The following TRMT9B variants were observed in gnomAD, a reference collection of about 807,000 sequenced individuals.
TRMT9B encodes tRNA methyltransferase 9B (putative).
Under a neutral mutation model 11.5 loss-of-function variants are expected in TRMT9B, and 16 were observed. The observed-to-expected ratio is 1.39, with a 90% CI of 0.94 to 2.11. The LOEUF is 2.11. Ranked by LOEUF, TRMT9B falls within the 30% of genes most tolerant of loss-of-function variation. The pLI is 0.00. For missense variants in TRMT9B, 941 were observed against 553.8 expected, an observed-to-expected ratio of 1.70 and a Z score of -7.02; for synonymous variants, 274 against 192.4, an observed-to-expected ratio of 1.42 and a Z score of -3.51.
At position 13,027,865 on chromosome 8, in the gene TRMT9B, T is replaced by G. The variant is rs573956290; in HGVS notation, c.*5821T>G. The G allele has an allele frequency of 6.0e-6, 1 of 167,234 alleles. No homozygotes were observed. Among genetic ancestry groups the G allele is most frequent in the East Asian group, 1.9e-4 (1 of 5,188 alleles). The allele number at this position is 167,234 out of a possible 1,614,324, so 10.4% of individuals were successfully genotyped here. On this transcript the variant is annotated 3_prime_UTR_variant, in exon 5 of 5. Coordinates refer to ENST00000524591, the MANE Select transcript of TRMT9B (RefSeq NM_020844.3). ...ATGCTTAACTCCTCTTGTTCCAATC[T>G]TAACTCAAAATTATGATTATTTTGA...
intron 2 of TRMT9B, among the ~76,000 whole-genome samples, chr8:12,995,034 C>T (rs936984321): frequency 6.6e-6 from 1 of 152,226 alleles, no homozygotes; most frequent in South Asian, 2.1e-4. Flanking sequence ...TTCCAAGGCG[C>T]AGCTCCCGAC....
intron 1 of TRMT9B, among the ~76,000 whole-genome samples, chr8:12,982,389 C>T (rs907040929): frequency 3.3e-5 from 5 of 152,184 alleles, no homozygotes; most frequent in African/African-American, 4.8e-5. Context: ...GGGTCAGACA[C>T]GGTGGCTTAT....
chr8:12,974,006 A>G (rs570280554), intron 1 of TRMT9B, among the ~76,000 whole-genome samples: 1 of 146,392 alleles, frequency 6.8e-6, no homozygotes, highest in African/African-American at 2.5e-5. Flanking sequence ...AAAATATATT[A>G]AAATTTTTTT....
intron 2 of TRMT9B, among the ~76,000 whole-genome samples, chr8:12,996,427 C>T (rs1202365791): frequency 6.6e-6 from 1 of 152,322 alleles, no homozygotes; most frequent in East Asian, 1.9e-4. Context: ...TTACTTATTT[C>T]TTCAGTTAGA....
chr8:13,001,035 C>G (rs889446488), intron 2 of TRMT9B, among the ~76,000 whole-genome samples: 1 of 152,164 alleles, frequency 6.6e-6, no homozygotes, highest in African/African-American at 2.4e-5. Context: ...CTAGACTTCC[C>G]CAATCTTTCT....
intron 1 of TRMT9B, among the ~76,000 whole-genome samples, chr8:12,968,535 A>G (rs2128867069): frequency 6.6e-6 from 1 of 152,348 alleles, no homozygotes; most frequent in Middle Eastern, 3.4e-3. Context: ...GGTGGTCTGC[A>G]TTTTAATGGA....
In TRMT9B at chr8:12,997,271, T is replaced by A. The variant is rs368928650; in HGVS notation, c.-2+6240T>A. On this transcript the variant is annotated intron_variant, in intron 2 of 4. Coordinates refer to ENST00000524591, the MANE Select transcript of TRMT9B (RefSeq NM_020844.3). ...CTCCTTATGGTAATGGGTGACTTCT[T>A]GCTCTATCAGTTCACATGAGAGCTG... Among the ~76,000 whole-genome samples the A allele has an allele frequency of 1.3e-4, 19 of 146,722 alleles. No homozygotes were observed. The East Asian group carries it at 2.4e-3, about 18-fold the overall frequency.
rs190951470 is a variant in TRMT9B, at chr8:12,969,948, T to C, written c.-199-20886T>C. The C allele has an allele frequency of 8.0e-5, 12 of 150,146 alleles. 1 individual carries two copies. The highest frequency in any genetic ancestry group is 2.9e-4 in the African/African-American group (12 of 40,920). The allele number at this position is 150,146 out of a possible 1,614,324, so 9.3% of individuals were successfully genotyped here. Reference sequence around the variant, plus strand: ...ATCCTCCCACCTCAGCTTCCCAAAATGCTGGAATTACAGGCATGATTCTGA... The same window carrying C: ...ATCCTCCCACCTCAGCTTCCCAAAACGCTGGAATTACAGGCATGATTCTGA... On this transcript the variant is annotated intron_variant, in intron 1 of 4. Transcript: ENST00000524591.
intron 1 of TRMT9B, among the ~76,000 whole-genome samples, chr8:12,950,564 T>TCTTTCTTTCTTTC (rs1554505540): frequency 1.3e-4 from 19 of 151,944 alleles, no homozygotes; most frequent in African/African-American, 4.6e-4. Context: ...TTTCTTTCTT[T>TCTTTCTTTCTTTC]TTGAATGTGA....
intron 1 of TRMT9B, among the ~76,000 whole-genome samples, chr8:12,975,546 G>A (rs1563341739): frequency 6.6e-6 from 1 of 152,070 alleles, no homozygotes; most frequent in South Asian, 2.1e-4. Flanking sequence ...AGACCAGCCT[G>A]GCCAACATGG....
chr8:13,029,136 C>T lies in TRMT9B; in HGVS notation c.*7092C>T, dbSNP rs1345778117. 1 of 166,944 alleles carries T rather than the reference C, an allele frequency of 6.0e-6. No homozygotes were observed. The highest frequency in any genetic ancestry group is 2.4e-5 in the African/African-American group (1 of 41,418). The allele number at this position is 166,944 out of a possible 1,614,324, so 10.3% of individuals were successfully genotyped here. The stretch of plus-strand genomic sequence containing the variant: ...TAGTTCTTTTGTGCACGCGTGAATA[C>T]ATCAAATTAGCAATTACCATAGAAA... On this transcript the variant is annotated 3_prime_UTR_variant, in exon 5 of 5. Coordinates refer to ENST00000524591, the MANE Select transcript of TRMT9B (RefSeq NM_020844.3).
chr8:12,981,232 A>G (rs1295679248), intron 1 of TRMT9B, among the ~76,000 whole-genome samples: 2 of 152,200 alleles, frequency 1.3e-5, no homozygotes, highest in Non-Finnish European at 2.9e-5. Flanking sequence ...GTTTCTCTCC[A>G]TGATAGAAAC....
In TRMT9B at chr8:13,021,401, G is replaced by T. The variant is rs778983907; in HGVS notation, c.722G>T (p.Ser241Ile). The T allele has an allele frequency of 1.2e-6, 2 of 1,614,032 alleles. No homozygotes were observed. The highest frequency in any genetic ancestry group is 1.1e-5 in the South Asian group (1 of 91,080). The part of the protein sequence containing the change: ...KEGEEEYGFY[S>I]TLGKSFRSWF... ...GGCGAGGAAGAATATGGATTTTACA[G>T]CACATTAGGAAAATCGTTTCGTTCC... The change falls in exon 5 of 5, where the codon AGC becomes ATC. Residue 241 changes from serine to isoleucine, a missense_variant. Transcript: ENST00000524591.
intron 2 of TRMT9B, among the ~76,000 whole-genome samples, chr8:12,999,032 G>C (rs1027426171): frequency 6.6e-6 from 1 of 152,128 alleles, no homozygotes; most frequent in Non-Finnish European, 1.5e-5. Context: ...TGGGCGCAGT[G>C]GCTCACGCCT....
intron 1 of TRMT9B, among the ~76,000 whole-genome samples, chr8:12,949,334 C>T (rs951805151): frequency 3.9e-5 from 6 of 152,094 alleles, no homozygotes; most frequent in South Asian, 2.1e-4. Flanking sequence ...GTACACCCAG[C>T]ATCAGCAACT....
At chr8:13,018,567 C>T (rs866002935) in intron 4 of TRMT9B, among the ~76,000 whole-genome samples, 2 of 152,020 alleles carry the variant, frequency 1.3e-5, no homozygotes, top group South Asian at 2.1e-4. Context: ...TCATTATCTA[C>T]AGTAGTCATG....
intron 2 of TRMT9B, among the ~76,000 whole-genome samples, chr8:12,992,733 C>T (rs1297696161): frequency 6.6e-6 from 1 of 151,708 alleles, no homozygotes; most frequent in Admixed American, 6.6e-5. Flanking sequence ...TGACGGCATG[C>T]ACCTGTGGTC....
chr8:12,967,898 T>A (rs1222749700), intron 1 of TRMT9B, among the ~76,000 whole-genome samples: 4 of 152,370 alleles, frequency 2.6e-5, no homozygotes, highest in African/African-American at 9.6e-5. Context: ...CTAATTTGTT[T>A]ACTTATTTAC....
At chr8:12,962,986 G>C (rs1802332018) in intron 1 of TRMT9B, among the ~76,000 whole-genome samples, 1 of 152,174 alleles carries the variant, frequency 6.6e-6, no homozygotes, top group Non-Finnish European at 1.5e-5. Context: ...CACATGATTT[G>C]GGGGTTTGAT....
Sources: gnomAD v4.1 joint callset for allele counts (sites outside exome capture counted in the v4.1 genomes callset) on GRCh38, gnomAD v4.1.1 for gene constraint, MANE v1.5 for transcripts, NCBI Gene and HGNC (gene_info 2026-07-23, HGNC 2026-07-21) for gene names.